The following TFDP1 variants were observed in gnomAD, a reference collection of about 807,000 sequenced individuals.
The protein encoded by TFDP1 is DRTF1-polypeptide 1.
A neutral mutation model predicts 48.0 loss-of-function variants in TFDP1; 6 were observed. That is an observed-to-expected ratio of 0.13 (90% confidence interval 0.07 to 0.25). The LOEUF (loss-of-function observed/expected upper bound fraction) is 0.25, where lower values mean the gene tolerates loss of function less well. Ranked by LOEUF, TFDP1 falls within the 10% of genes least tolerant of loss-of-function variation. TFDP1 has a pLI of 1.00. For missense variants in TFDP1, 335 were observed against 543.0 expected (o/e 0.62, Z 3.81); for synonymous variants, 201 against 211.6 (o/e 0.95, Z 0.44).
chr13:113,636,228 A>C, intron 9 of TFDP1, 100 bp downstream of exon 9: 1 of 1,457,082 alleles, frequency 6.9e-7, no homozygotes, highest in Non-Finnish European at 9.4e-7. Context: ...AATGTTGTAC[A>C]AATAGCAAAT....
intron 4 of TFDP1, among the ~76,000 whole-genome samples, chr13:113,625,764 TCAGGCGTCTC>T (rs1335802344): frequency 2.4e-5 from 3 of 125,876 alleles, no homozygotes; most frequent in African/African-American, 9.6e-5. Context: ...TCACGTGTCC[TCAGGCGTCTC>T]TCACGTGTCC....
chr13:113,602,124 A>T (rs1452468887), intron 2 of TFDP1, among the ~76,000 whole-genome samples: 8 of 145,456 alleles, frequency 5.5e-5, no homozygotes, highest in African/African-American at 2.6e-5. Context: ...AGGAGTGGAC[A>T]GAGTTACCCG....
At chr13:113,626,038 GCGTCCTCAGGTGTCTCTCACA>G in intron 4 of TFDP1, among the ~76,000 whole-genome samples, 2 of 145,410 alleles carry the variant, frequency 1.4e-5, no homozygotes, top group Non-Finnish European at 1.5e-5. Context: ...TGTCTCTCAC[GCGTCCTCAGGTGTCTCTCACA>G]TGTCCTCAGG....
At chr13:113,616,935 C>A (rs1488277878) in intron 3 of TFDP1, among the ~76,000 whole-genome samples, 2 of 152,202 alleles carry the variant, frequency 1.3e-5, no homozygotes, top group African/African-American at 2.4e-5. Flanking sequence ...GTTAAAAGCC[C>A]AGCCTCTGTT....
chr13:113,636,742 T>C (rs1474780593), intron 10 of TFDP1, 42 bp downstream of exon 10: 16 of 1,598,842 alleles, frequency 1.0e-5, no homozygotes, highest in African/African-American at 1.3e-5. Flanking sequence ...GTGTGAGGAA[T>C]GGCCCCCAGC....
At chr13:113,614,364 C>A (rs543284523) in intron 3 of TFDP1, among the ~76,000 whole-genome samples, 2 of 152,262 alleles carry the variant, frequency 1.3e-5, no homozygotes, top group South Asian at 4.1e-4. Flanking sequence ...GTGGGGTGGT[C>A]CAGGCAGGGT....
chr13:113,610,437 A>T lies in TFDP1; in HGVS notation c.13-559A>T, dbSNP rs183823022. On this transcript the variant is annotated intron_variant, in intron 2 of 11. Transcript: ENST00000375370. ...CCACTTTGTGGCTGTGCCATCACAC[A>T]TGTGCCCCCGCTGTGTGGCTGTGCC... is the stretch of plus-strand genomic sequence containing the variant. Among the ~76,000 whole-genome samples the T allele has an allele frequency of 4.6e-3, 602 of 130,624 alleles. 7 individuals carry two copies. Among genetic ancestry groups the T allele is most frequent in the African/African-American group, 0.017 (567 of 33,740 alleles). The allele number at this position is 130,624 out of a possible 152,430, so 85.7% of individuals were successfully genotyped here. A position where few individuals can be genotyped will look rare whatever the true frequency, so the allele number is the denominator to read the frequency against.
At position 113,640,328 on chromosome 13, in the gene TFDP1, T is replaced by A. The variant is rs1251771860; in HGVS notation, c.*61T>A. On this transcript the variant is annotated 3_prime_UTR_variant, in exon 12 of 12. Transcript: ENST00000375370. The stretch of plus-strand genomic sequence containing the variant: ...GTTTAGCGAAAAGAAACTTTTTTTT[T>A]AATGTGGGTTTTCTGTTTCCTTTTG... 5.2e-6 allele frequency: 8 copies of A among 1,540,682 alleles called. No homozygotes were observed. Among genetic ancestry groups the A allele is most frequent in the Non-Finnish European group, 5.2e-6 (6 of 1,146,564 alleles).
Position 113,640,178 on chromosome 13 carries a change from A to G in TFDP1, c.1144A>G (p.Ser382Gly), listed in dbSNP as rs1303452582. 6.2e-7 allele frequency: 1 copy of G among 1,613,462 alleles called. No homozygotes were observed. The highest frequency in any genetic ancestry group is 8.5e-7 in the Non-Finnish European group (1 of 1,179,842). ...CACAAGCTCCAATGGGTCTCAGTAC[A>G]GCGGCTCCAGGGTGGAGACTCCGGT... The part of the protein sequence containing the change: ...LATSSNGSQY[S>G]GSRVETPVSY... The change falls in exon 12 of 12, where the codon AGC becomes GGC. Residue 382 changes from serine to glycine, a missense_variant. Physicochemically the swap from Ser to Gly is moderately conservative, Grantham distance 56 (BLOSUM62 0). Coordinates refer to ENST00000375370, the MANE Select transcript of TFDP1 (RefSeq NM_007111.5).
At chr13:113,594,162 G>A (rs1431083053) in intron 2 of TFDP1, among the ~76,000 whole-genome samples, 1 of 146,582 alleles carries the variant, frequency 6.8e-6, no homozygotes, top group East Asian at 2.1e-4. Flanking sequence ...CCTCAGCCGT[G>A]CCCAGGTGAC....
At chr13:113,634,672 T>C in intron 8 of TFDP1, 70 bp downstream of exon 8, 1 of 1,202,334 alleles carries the variant, frequency 8.3e-7, no homozygotes. Flanking sequence ...AACGGCAACA[T>C]ACTGCCTTGG....
chr13:113,625,265 T>C (rs56644992), intron 4 of TFDP1, among the ~76,000 whole-genome samples: 2 of 81,906 alleles, frequency 2.4e-5, no homozygotes, highest in African/African-American at 1.5e-4. Flanking sequence ...ATCTCTCACA[T>C]GTCCTCAGGT....
Position 113,633,556 on chromosome 13 carries a change from G to C in TFDP1, c.474+271G>C, listed in dbSNP as rs1317888208. Among the ~76,000 whole-genome samples, 1 of 152,184 alleles carries C rather than the reference G, an allele frequency of 6.6e-6. No homozygotes were observed. Among genetic ancestry groups the C allele is most frequent in the Non-Finnish European group, 1.5e-5 (1 of 68,036 alleles). On this transcript the variant is annotated intron_variant, in intron 6 of 11. Transcript: ENST00000375370. This position sits in a 1 kb window ranked among gnomAD's most constrained non-coding sequence, Gnocchi z 4.5. ...AAGTACAGCATAAAAGAATTTTTCCGATCCATTTGCTGGCACGATGCTTTG... is the reference window on the plus strand; with the variant it reads ...AAGTACAGCATAAAAGAATTTTTCCCATCCATTTGCTGGCACGATGCTTTG...
intron 2 of TFDP1, among the ~76,000 whole-genome samples, chr13:113,600,353 C>G (rs957937253): frequency 2.1e-5 from 3 of 143,388 alleles, no homozygotes; most frequent in Admixed American, 6.9e-5. Flanking sequence ...AACCCTCACA[C>G]ATAGGGCTCC....
intron 2 of TFDP1, among the ~76,000 whole-genome samples, chr13:113,589,178 A>G (rs1385454608): frequency 6.6e-6 from 1 of 152,174 alleles, no homozygotes; most frequent in African/African-American, 2.4e-5. Context: ...TGTCTTGCTC[A>G]GGGACTTTTT....
chr13:113,622,326 G>A (rs1036890028), intron 3 of TFDP1, among the ~76,000 whole-genome samples: 1 of 152,124 alleles, frequency 6.6e-6, no homozygotes, highest in Non-Finnish European at 1.5e-5. Flanking sequence ...GAAACCCACC[G>A]ACCCTGTGGG....
At chr13:113,599,218 T>A (rs530191302) in intron 2 of TFDP1, among the ~76,000 whole-genome samples, 1 of 152,214 alleles carries the variant, frequency 6.6e-6, no homozygotes, top group East Asian at 1.9e-4. Context: ...TTCTAAAAAA[T>A]TTGTGGAACG....
chr13:113,628,461 G>A lies in TFDP1; in HGVS notation c.187-3162G>A, dbSNP rs117894968. Reference sequence around the variant, plus strand: ...CCAGCGAGAGGCGGGTGAGGGAGTCGTGAGGGCGGAGCCCATCCTCCAGAG... The same window carrying A: ...CCAGCGAGAGGCGGGTGAGGGAGTCATGAGGGCGGAGCCCATCCTCCAGAG... On this transcript the variant is annotated intron_variant, in intron 4 of 11. Transcript: ENST00000375370. 6.2e-3 allele frequency among the ~76,000 whole-genome samples: 946 copies of A among 152,332 alleles called. 32 individuals are homozygous for A. The East Asian group carries it at 0.11, about 17-fold the overall frequency.
At chr13:113,601,047 C>A (rs556047128) in intron 2 of TFDP1, among the ~76,000 whole-genome samples, 1 of 152,328 alleles carries the variant, frequency 6.6e-6, no homozygotes, top group East Asian at 1.9e-4. Flanking sequence ...TGAGCCTTCA[C>A]GCTGTCCTGG....
Sources: gnomAD v4.1 joint callset for allele counts (sites outside exome capture counted in the v4.1 genomes callset) on GRCh38, gnomAD v4.1.1 for gene constraint, Gnocchi (gnomAD v3.1) non-coding constraint, MANE v1.5 for transcripts, NCBI Gene and HGNC (gene_info 2026-07-23, HGNC 2026-07-21) for gene names.